MN1: variants seen among roughly 807,000 people sequenced by gnomAD.
MN1 encodes the protein transcriptional activator MN1.
MN1 carries 19 observed loss-of-function variants against 86.9 expected under a neutral mutation model. The ratio of observed to expected loss-of-function variants is 0.22; its 90% CI spans 0.15 to 0.32. The LOEUF (loss-of-function observed/expected upper bound fraction) is 0.32. Among genes scored for constraint, MN1 ranks in the 10% least tolerant of loss-of-function variants. The probability of loss-of-function intolerance (pLI) is 1.00; values close to 1 mark genes in which losing one functional copy is unlikely to be tolerated. For synonymous variants in MN1, 928 were observed against 849.6 expected (o/e 1.09, Z -1.60); for missense variants, 1,841 against 1,862.0 (o/e 0.99, Z 0.21).
At chr22:27,767,458 T>C (rs763214760) in intron 1 of MN1, among the ~76,000 whole-genome samples, 12 of 151,916 alleles carry the variant, frequency 7.9e-5, no homozygotes, top group Non-Finnish European at 1.6e-4. Flanking sequence ...AAGGTTAGAG[T>C]TCTTGTTTAT....
intron 1 of MN1, among the ~76,000 whole-genome samples, chr22:27,774,043 C>A (rs2009188): frequency 0.14 from 20,898 of 152,078 alleles, 1,627 homozygotes; most frequent in East Asian, 0.26. Flanking sequence ...GAGCAAACGG[C>A]CCCCTGGACA....
intron 1 of MN1, among the ~76,000 whole-genome samples, chr22:27,775,365 T>G (rs1490198780): frequency 6.6e-6 from 1 of 152,122 alleles, no homozygotes; most frequent in Non-Finnish European, 1.5e-5. Context: ...TACGCAGGAA[T>G]CGAGGGTTCA....
At chr22:27,751,164 C>T (rs1932761134) in intron 1 of MN1, 68 bp from the exon 2 acceptor site, 1 of 1,392,376 alleles carries the variant, frequency 7.2e-7, no homozygotes, top group African/African-American at 1.5e-5. Context: ...ATAATGGGGG[C>T]CAAAGTGGCA....
In MN1 at chr22:27,800,618, C is replaced by A; in HGVS notation, c.-75G>T. 6.9e-6 allele frequency: 11 copies of A among 1,599,392 alleles called. No individual in the cohort carries two copies. The highest frequency in any genetic ancestry group is 1.1e-5 in the South Asian group (1 of 89,840). On this transcript the variant is annotated 5_prime_UTR_variant, in exon 1 of 2. Transcript: ENST00000302326. ...CGCGGCGCGCCTCCGGCCAGCTACT[C>A]GTTCCAGCCCAGGATTGGGCGCTCC...
chr22:27,800,865 C>G lies in MN1; in HGVS notation c.-322G>C. 3.5e-4 allele frequency: 105 copies of G among 303,998 alleles called. No individual in the cohort carries two copies. Among genetic ancestry groups the G allele is most frequent in the South Asian group, 2.0e-3 (16 of 7,902 alleles). The allele number at this position is 303,998 out of a possible 1,614,324, so 18.8% of individuals were successfully genotyped here. On this transcript the variant is annotated 5_prime_UTR_variant, in exon 1 of 2. Transcript: ENST00000302326. Reference sequence around the variant, plus strand: ...GGTCTGCGGGGAGGGGACGAAGCCGCGGATGAACGGAGACAAAAAGTTAAG... The same window carrying G: ...GGTCTGCGGGGAGGGGACGAAGCCGGGGATGAACGGAGACAAAAAGTTAAG...
At position 27,798,644 on chromosome 22, in the gene MN1, C is replaced by G. The variant is rs764672151; in HGVS notation, c.1900G>C (p.Gly634Arg). 2.3e-5 allele frequency: 36 copies of G among 1,560,410 alleles called. No individual in the cohort carries two copies. Among genetic ancestry groups the G allele is most frequent in the Non-Finnish European group, 7.7e-6 (9 of 1,161,824 alleles). The stretch of plus-strand genomic sequence containing the variant: ...AGGTCTCCGGGCGGCGGATGCGGAC[C>G]TGAGAACCACGCGCTCTCTTGCGCC... ...HLAQESAWFSGPHPPPGDLLP... is the reference protein window; with the variant it reads ...HLAQESAWFSRPHPPPGDLLP... The change falls in exon 1 of 2, where the codon GGT becomes CGT. Residue 634 changes from glycine (G) to arginine (R), a missense_variant. By Grantham distance (125) the Gly-to-Arg change is moderately radical. Transcript: ENST00000302326.
Position 27,751,072 on chromosome 22 carries a change from G to C in MN1, c.3806C>G (p.Ala1269Gly). Residue 1269 changes from alanine to glycine, a missense_variant, in exon 2 of 2, where the codon GCC becomes GGC. Coordinates refer to ENST00000302326, the MANE Select transcript of MN1 (RefSeq NM_002430.3). ...KEAHDLPANKASASQPGSHLQ... is the reference protein window; with the variant it reads ...KEAHDLPANKGSASQPGSHLQ... ...GTGGCTGCCAGGCTGGGATGCTGAG[G>C]CCTTGTTTGCAGGGAGGTCGTGGGC... 7 of 1,589,436 alleles carry C rather than the reference G, an allele frequency of 4.4e-6. No individual in the cohort carries two copies. Among genetic ancestry groups the C allele is most frequent in the Non-Finnish European group, 6.0e-6 (7 of 1,164,232 alleles).
chr22:27,797,229 C>T lies in MN1; in HGVS notation c.3315G>A (p.Leu1105=). 6.4e-7 allele frequency: 1 copy of T among 1,564,954 alleles called. No individual in the cohort carries two copies. The highest frequency in any genetic ancestry group is 8.6e-7 in the Non-Finnish European group (1 of 1,161,518). The change falls in exon 1 of 2, where the codon CTG becomes CTA. Residue 1105 remains leucine, a synonymous_variant. Transcript: ENST00000302326. ...GPKAPPPALG[L]GIMSNSTSTP... is the part of the protein sequence containing the mutation. The stretch of plus-strand genomic sequence containing the variant: ...TCGAGGTAGAGTTAGACATGATGCC[C>T]AGGCCGAGGGCGGGCGGGGGCGCCT...
chr22:27,785,056 CCA>C (rs57257445), intron 1 of MN1, among the ~76,000 whole-genome samples: 10,648 of 144,718 alleles, frequency 0.074, 410 homozygotes, highest in Admixed American at 0.11. Flanking sequence ...CTGGCATCCG[CCA>C]CACACACACA....
intron 1 of MN1, among the ~76,000 whole-genome samples, chr22:27,768,901 T>C (rs944429357): frequency 1.3e-5 from 2 of 152,346 alleles, no homozygotes; most frequent in Non-Finnish European, 2.9e-5. Flanking sequence ...GTGGATACTG[T>C]ACAGGACAGG....
intron 1 of MN1, among the ~76,000 whole-genome samples, chr22:27,757,773 T>C (rs1199284855): frequency 6.6e-6 from 1 of 151,950 alleles, no homozygotes; most frequent in African/African-American, 2.4e-5. Flanking sequence ...CCTGGGAGTC[T>C]CTTAGGCCCC....
At position 27,761,767 on chromosome 22, in the gene MN1, C is replaced by T. The variant is rs576481822; in HGVS notation, c.3782-10671G>A. Among the ~76,000 whole-genome samples the T allele has an allele frequency of 2.1e-4, 32 of 152,334 alleles. No individual in the cohort carries two copies. The South Asian group carries it at 2.7e-3, about 13-fold the overall frequency. ...GGTGAAGCAGAGGCCTCGCGCCGGC[C>T]GCTGCAGCAGTGCAGTCTGGTGAGA... On this transcript the variant is annotated intron_variant, in intron 1 of 1. Transcript: ENST00000302326.
chr22:27,749,464 G>C lies in MN1; in HGVS notation c.*1451C>G, dbSNP rs532851580. ...TCAGTTACTTCCTGTCTAACCCACC[G>C]GGGAATCTATGTGCCCCCCACCACA... On this transcript the variant is annotated 3_prime_UTR_variant, in exon 2 of 2. Coordinates refer to ENST00000302326, the MANE Select transcript of MN1 (RefSeq NM_002430.3). The C allele has an allele frequency of 8.6e-6, 2 of 231,856 alleles. No homozygotes were observed. The highest frequency in any genetic ancestry group is 1.7e-5 in the Non-Finnish European group (2 of 117,238). The allele number at this position is 231,856 out of a possible 1,614,324, so 14.4% of individuals were successfully genotyped here.
intron 1 of MN1, among the ~76,000 whole-genome samples, chr22:27,769,776 G>A (rs546130509): frequency 1.3e-5 from 2 of 151,268 alleles, no homozygotes; most frequent in Admixed American, 6.6e-5. Context: ...GGATGGTCTC[G>A]ATCTCCTGAC....
chr22:27,773,961 T>C (rs9613527), intron 1 of MN1, among the ~76,000 whole-genome samples: 2 of 152,008 alleles, frequency 1.3e-5, no homozygotes, highest in Admixed American at 1.3e-4. Flanking sequence ...GCCTTGATCC[T>C]TTGATGTACA....
At chr22:27,781,207 A>G (rs1933049388) in intron 1 of MN1, among the ~76,000 whole-genome samples, 1 of 152,230 alleles carries the variant, frequency 6.6e-6, no homozygotes, top group South Asian at 2.1e-4. Context: ...CTGGGATTAC[A>G]AGCATGAGCT....
chr22:27,773,795 C>T (rs182006728), intron 1 of MN1, among the ~76,000 whole-genome samples: 36 of 152,294 alleles, frequency 2.4e-4, no homozygotes, highest in African/African-American at 8.2e-4. Context: ...TACTGAGGCA[C>T]AGACACACGC....
At position 27,773,216 on chromosome 22, in the gene MN1, G is replaced by A. The variant is rs558907669; in HGVS notation, c.3782-22120C>T. ...AGCTGCTACCGTTGCCAGCCTCCCCGAGGCCCAAGGGGGGTCTGGAGCCAC... is the reference window on the plus strand; with the variant it reads ...AGCTGCTACCGTTGCCAGCCTCCCCAAGGCCCAAGGGGGGTCTGGAGCCAC... On this transcript the variant is annotated intron_variant, in intron 1 of 1. Transcript: ENST00000302326. Among the ~76,000 whole-genome samples the A allele has an allele frequency of 9.2e-5, 14 of 151,994 alleles. No individual in the cohort carries two copies. The South Asian group carries it at 2.1e-3, about 23-fold the overall frequency.
chr22:27,787,288 T>A (rs756314130), intron 1 of MN1, among the ~76,000 whole-genome samples: 16 of 152,176 alleles, frequency 1.1e-4, no homozygotes, highest in Non-Finnish European at 5.9e-5. Flanking sequence ...CAGCCTCCCT[T>A]CCTTCAAATA....
Sources: gnomAD v4.1 joint callset for allele counts (sites outside exome capture counted in the v4.1 genomes callset) on GRCh38, gnomAD v4.1.1 for gene constraint, MANE v1.5 for transcripts, NCBI Gene and HGNC (gene_info 2026-07-23, HGNC 2026-07-21) for gene names.